The following PZP variants were observed in gnomAD, a reference collection of about 807,000 sequenced individuals.
The protein encoded by PZP is PZP alpha-2-macroglobulin like, also known as pregnancy zone protein.
Under a neutral mutation model 179.8 loss-of-function variants are expected in PZP, and 150 were observed. That is an observed-to-expected ratio of 0.83 (90% CI 0.73 to 0.96). The LOEUF (loss-of-function observed/expected upper bound fraction) is 0.96. Ranked by LOEUF, PZP falls within the 40% of genes least tolerant of loss-of-function variation. PZP has a pLI of 0.00. For missense variants in PZP, 1,689 were observed against 1,764.0 expected (o/e 0.96, Z 0.76); for synonymous variants, 624 against 652.3 (o/e 0.96, Z 0.66).
Position 9,160,334 on chromosome 12 carries a change from G to A in PZP, c.3029C>T (p.Ala1010Val). The change falls in exon 24 of 36, where the codon GCC becomes GTC. Residue 1010 changes from alanine to valine, a missense_variant. Around this residue, in one of 3 missense-constraint regions of PZP, gnomAD observed 746 missense variants for 749.2 expected, o/e 1.00. Transcript: ENST00000261336. ...QQLTQEIKAK[A>V]VGYLITGYQR... ...CTTACCAGTGATGAGATAGCCAACG[G>A]CCTTGGCCTTGATCTCCTGCGTCAG... 6.2e-7 allele frequency: 1 copy of A among 1,613,474 alleles called. No individual in the cohort carries two copies. Among genetic ancestry groups the A allele is most frequent in the Non-Finnish European group, 8.5e-7 (1 of 1,179,834 alleles).
At position 9,181,979 on chromosome 12, in the gene PZP, T is replaced by C. The variant is rs768484141; in HGVS notation, c.1685A>G (p.Asn562Ser). The C allele has an allele frequency of 1.2e-6, 2 of 1,613,358 alleles. No homozygotes were observed. Among genetic ancestry groups the C allele is most frequent in the Non-Finnish European group, 1.7e-6 (2 of 1,179,650 alleles). Reference sequence around the variant, plus strand: ...ATTTTATGTTAAATCGCTCACCTTGTTGGCTAGACAGTTTTCAATCTCAAA... The same window carrying C: ...ATTTTATGTTAAATCGCTCACCTTGCTGGCTAGACAGTTTTCAATCTCAAA... ...EKFEIENCLA[N>S]KVDLSFSPAQ... Residue 562 changes from asparagine (N) to serine (S), a missense_variant, in exon 14 of 36, where the codon AAC (asparagine) becomes AGC (serine). Physicochemically the swap from Asn to Ser is conservative, Grantham distance 46. Around this residue, in one of 3 missense-constraint regions of PZP, gnomAD observed 742 missense variants for 730.5 expected, o/e 1.02. Transcript: ENST00000261336.
At position 9,169,591 on chromosome 12, in the gene PZP, C is replaced by T. The variant is rs1489549274; in HGVS notation, c.1840G>A (p.Val614Ile). ...KPEAELSVSS[V>I]YNLLTVKDLT... ...TCCTTCACAGTTAGCAGATTATATACCTGTAGCAGTGGGGGGATCAAAGGC... is the reference window on the plus strand; with the variant it reads ...TCCTTCACAGTTAGCAGATTATATATCTGTAGCAGTGGGGGGATCAAAGGC... The change falls in exon 16 of 36, where the codon GTA becomes ATA. Residue 614 changes from valine to isoleucine, a missense_variant and splice_region_variant. Around this residue, in one of 3 missense-constraint regions of PZP, gnomAD observed 201 missense variants for 284.2 expected, o/e 0.71. Transcript: ENST00000261336. The T allele has an allele frequency of 6.3e-7, 1 of 1,599,730 alleles. No individual in the cohort carries two copies. The highest frequency in any genetic ancestry group is 1.1e-5 in the South Asian group (1 of 87,714).
At position 9,203,808 on chromosome 12, in the gene PZP, A is replaced by G. The variant is rs2121238862; in HGVS notation, c.227T>C (p.Leu76Pro). 6.2e-7 allele frequency: 1 copy of G among 1,614,144 alleles called. No individual in the cohort carries two copies. The highest frequency in any genetic ancestry group is 8.5e-7 in the Non-Finnish European group (1 of 1,180,016). Residue 76 changes from leucine to proline, a missense_variant, in exon 2 of 36, where the codon CTG (leucine) becomes CCG (proline). Around this residue, in one of 3 missense-constraint regions of PZP, gnomAD observed 742 missense variants for 730.5 expected, o/e 1.02. Coordinates refer to ENST00000261336, the MANE Select transcript of PZP (RefSeq NM_002864.3). ...GRENRSLFTD[L>P]VAEKDLFHCV... ...GTGGAATAAGTCCTTCTCCGCCACC[A>G]GGTCAGTGAAGAGGCTCCTGTTTTC...
chr12:9,150,010 TC>T (rs947985708), intron 34 of PZP, among the ~76,000 whole-genome samples: 15 of 152,212 alleles, frequency 9.9e-5, no homozygotes, highest in African/African-American at 3.6e-4. Flanking sequence ...TCCTCTAGGA[TC>T]CAAATCAGAT....
chr12:9,152,781 T>G (rs1265544734), intron 31 of PZP, 43 bp downstream of exon 31: 6 of 1,586,664 alleles, frequency 3.8e-6, no homozygotes, highest in Non-Finnish European at 4.3e-6. Flanking sequence ...AATTCCAAGT[T>G]GCTTTTGGGC....
rs376955839 is a variant in PZP, at chr12:9,181,084, G to A, written c.1738C>T (p.His580Tyr). Reference protein sequence around the residue: ...PAQSPPASHAHLQVAAAPQSL... With the variant: ...PAQSPPASHAYLQVAAAPQSL... The stretch of plus-strand genomic sequence containing the variant: ...TGCGGAGCAGCTGCTACTTGCAGGT[G>A]GGCATGTGAGGCTGGGGGACTTTGT... The change falls in exon 15 of 36, where the codon CAC becomes TAC. Residue 580 changes from histidine to tyrosine, a missense_variant. Physicochemically the swap from His to Tyr is moderately conservative, Grantham distance 83. Around this residue, in one of 3 missense-constraint regions of PZP, gnomAD observed 742 missense variants for 730.5 expected, o/e 1.02. Transcript: ENST00000261336. 1 of 1,614,156 alleles carries A rather than the reference G, an allele frequency of 6.2e-7. No individual in the cohort carries two copies. Among genetic ancestry groups the A allele is most frequent in the Non-Finnish European group, 8.5e-7 (1 of 1,180,004 alleles).
intron 13 of PZP, among the ~76,000 whole-genome samples, chr12:9,190,507 G>A (rs1251828615): frequency 2.6e-5 from 4 of 151,968 alleles, no homozygotes; most frequent in African/African-American, 7.3e-5. Context: ...GGTGGAGGGC[G>A]GGAGGAGGGA....
chr12:9,158,221 CTG>C (rs1940906084), intron 26 of PZP, among the ~76,000 whole-genome samples, 197 bp downstream of exon 26: 1 of 152,226 alleles, frequency 6.6e-6, no homozygotes, highest in African/African-American at 2.4e-5. Context: ...TCCCAAAGTG[CTG>C]TGATTCTACG....
chr12:9,178,296 CCT>C (rs1942525457), intron 15 of PZP, among the ~76,000 whole-genome samples: 1 of 152,136 alleles, frequency 6.6e-6, no homozygotes, highest in South Asian at 2.1e-4. Flanking sequence ...GGATATGAAT[CCT>C]CTGTTTTTCT....
chr12:9,200,195 A>G (rs11612110), intron 7 of PZP, among the ~76,000 whole-genome samples, 169 bp downstream of exon 7: 12,000 of 152,228 alleles, frequency 0.079, 548 homozygotes, highest in Non-Finnish European at 0.11. Context: ...GTGTGTTTCT[A>G]TTCTTTTATG....
intron 7 of PZP, among the ~76,000 whole-genome samples, chr12:9,200,034 C>T (rs1944060670): frequency 1.3e-5 from 2 of 151,992 alleles, no homozygotes; most frequent in African/African-American, 4.8e-5. Context: ...ATCGTGTTGT[C>T]GCAGAAGTGG....
intron 10 of PZP, among the ~76,000 whole-genome samples, chr12:9,194,746 G>A (rs1365003149): frequency 6.6e-6 from 1 of 152,096 alleles, no homozygotes; most frequent in Non-Finnish European, 1.5e-5. Flanking sequence ...TTACAGGCGT[G>A]AGCCACCGTG....
At chr12:9,205,272 C>G (rs1175707692) in intron 1 of PZP, among the ~76,000 whole-genome samples, 1 of 152,104 alleles carries the variant, frequency 6.6e-6, no homozygotes. Flanking sequence ...TCTAATGCCC[C>G]CCACTCCATA....
chr12:9,175,661 A>C lies in PZP; in HGVS notation c.1839+5322T>G, dbSNP rs554103908. On this transcript the variant is annotated intron_variant, in intron 15 of 35. Coordinates refer to ENST00000261336, the MANE Select transcript of PZP (RefSeq NM_002864.3). ...AGTGGGCAAAGGACATGAACAGACA[A>C]TTCTCAAAAGAAAACATACATACAG... 3.4e-4 allele frequency among the ~76,000 whole-genome samples: 52 copies of C among 152,256 alleles called. No individual in the cohort carries two copies. In the South Asian group the frequency reaches 1.0e-2, roughly 29 times the overall value.
intron 2 of PZP, 91 bp downstream of exon 2, chr12:9,203,677 G>A: frequency 7.0e-7 from 1 of 1,436,324 alleles, no homozygotes; most frequent in Non-Finnish European, 9.6e-7. Flanking sequence ...GTCATACCTT[G>A]GGATCGCACA....
At chr12:9,148,801 T>A, downstream of PZP, 1 of 594,102 alleles carries the variant, frequency 1.7e-6, no homozygotes, top group Non-Finnish European at 2.9e-6. Flanking sequence ...CATGTGAACA[T>A]GTTATTAATG....
chr12:9,141,742 A>G, the PZP span, among the ~76,000 whole-genome samples: 2 of 152,182 alleles, frequency 1.3e-5, no homozygotes. Flanking sequence ...AATAGTCTTA[A>G]ATACATGTTA....
chr12:9,164,335 T>A (rs756270851), intron 19 of PZP, 76 bp from the exon 20 acceptor site: 44 of 1,456,852 alleles, frequency 3.0e-5, no homozygotes, highest in Non-Finnish European at 3.8e-5. Flanking sequence ...TGGGGCCAAG[T>A]GTGAGATGCT....
At chr12:9,205,904 T>C (rs767700626) in intron 1 of PZP, among the ~76,000 whole-genome samples, 55 of 152,302 alleles carry the variant, frequency 3.6e-4, no homozygotes, top group African/African-American at 1.2e-3. Flanking sequence ...CTCCATGTAG[T>C]CTGCTCCAGC....
Sources: gnomAD v4.1 joint callset for allele counts (sites outside exome capture counted in the v4.1 genomes callset) on GRCh38, gnomAD v4.1.1 for gene constraint, gnomAD v4.1.1 regional missense constraint, MANE v1.5 for transcripts, NCBI Gene and HGNC (gene_info 2026-07-23, HGNC 2026-07-21) for gene names.